Variants in ANKRD44 observed in about 807,000 individuals in gnomAD.
The protein encoded by ANKRD44 is serine/threonine-protein phosphatase 6 regulatory ankyrin repeat subunit B.
ANKRD44 carries 35 observed loss-of-function variants against 116.0 expected under a neutral mutation model. The ratio of observed to expected loss-of-function variants is 0.30; its 90% CI spans 0.23 to 0.40. ANKRD44 has a LOEUF of 0.40. ANKRD44 is among the 10% of genes least tolerant of loss of function. ANKRD44 has a pLI of 1.00. For missense variants in ANKRD44, 1,014 were observed against 1,242.6 expected (o/e 0.82, Z 2.77); for synonymous variants, 435 against 461.8 (o/e 0.94, Z 0.74).
chr2:197,090,439 C>T (rs59317182), intron 10 of ANKRD44, among the ~76,000 whole-genome samples: 19,090 of 151,704 alleles, frequency 0.13, 1,414 homozygotes, highest in Non-Finnish European at 0.17. Context: ...CAATACTGAG[C>T]AAGACAAACT....
intron 1 of ANKRD44, among the ~76,000 whole-genome samples, chr2:197,187,391 G>C (rs1296514910): frequency 6.6e-6 from 1 of 152,168 alleles, no homozygotes; most frequent in African/African-American, 2.4e-5. Context: ...CTGAAACTTT[G>C]ATAGGCCCTT....
chr2:197,192,276 C>A (rs2080842825), intron 1 of ANKRD44, among the ~76,000 whole-genome samples: 1 of 152,064 alleles, frequency 6.6e-6, no homozygotes, highest in Non-Finnish European at 1.5e-5. Context: ...GGTAATAAGC[C>A]CAAGCAGCAT....
At chr2:197,278,703 A>G (rs187366304) in intron 1 of ANKRD44, among the ~76,000 whole-genome samples, 17 of 152,324 alleles carry the variant, frequency 1.1e-4, no homozygotes, top group Admixed American at 9.8e-4. Context: ...ACAGGCCACA[A>G]GGTCTTATTG....
intron 1 of ANKRD44, among the ~76,000 whole-genome samples, chr2:197,221,644 T>C (rs913379907): frequency 6.6e-6 from 1 of 152,186 alleles, no homozygotes; most frequent in Non-Finnish European, 1.5e-5. Flanking sequence ...GAAAATTCCC[T>C]AAGAATATGA....
At chr2:197,242,019 T>C (rs1039715726) in intron 1 of ANKRD44, among the ~76,000 whole-genome samples, 3 of 152,180 alleles carry the variant, frequency 2.0e-5, no homozygotes, top group East Asian at 1.9e-4. Flanking sequence ...ATAGTCTATA[T>C]ATAAAAACTT....
At chr2:196,973,302 A>T (rs182952463) in intron 21 of ANKRD44, among the ~76,000 whole-genome samples, 1 of 151,954 alleles carries the variant, frequency 6.6e-6, no homozygotes, top group Non-Finnish European at 1.5e-5. Flanking sequence ...TGTTTTTCCT[A>T]TCACTTTATA....
chr2:197,086,009 C>T (rs187220039), intron 13 of ANKRD44, among the ~76,000 whole-genome samples: 97 of 151,910 alleles, frequency 6.4e-4, no homozygotes, highest in Middle Eastern at 3.4e-3. Flanking sequence ...GGCATGCCAT[C>T]GGTGCACAAG....
intron 14 of ANKRD44, among the ~76,000 whole-genome samples, chr2:197,082,230 T>C (rs2077813888): frequency 6.6e-6 from 1 of 152,216 alleles, no homozygotes; most frequent in Admixed American, 6.5e-5. Context: ...TCTATTCCAA[T>C]GAATTGCCTG....
chr2:197,083,640 T>A (rs2077849949), intron 13 of ANKRD44, 131 bp from the exon 14 acceptor site: 4 of 883,694 alleles, frequency 4.5e-6, no homozygotes, highest in Non-Finnish European at 4.9e-6. Context: ...GAGGCCAAAG[T>A]CATGCCTTCC....
chr2:197,037,706 C>T (rs1423010229), intron 16 of ANKRD44, among the ~76,000 whole-genome samples: 4 of 152,150 alleles, frequency 2.6e-5, no homozygotes, highest in African/African-American at 9.7e-5. Flanking sequence ...GAGAGGCCAA[C>T]GTGGGAGGAT....
intron 2 of ANKRD44, among the ~76,000 whole-genome samples, chr2:197,169,269 C>T (rs1360556370): frequency 6.6e-6 from 1 of 152,192 alleles, no homozygotes; most frequent in Non-Finnish European, 1.5e-5. Flanking sequence ...TTAAATGTCA[C>T]TGCCACCTCA....
chr2:197,140,956 C>G (rs1185147950), intron 3 of ANKRD44, among the ~76,000 whole-genome samples: 1 of 152,160 alleles, frequency 6.6e-6, no homozygotes, highest in Non-Finnish European at 1.5e-5. Flanking sequence ...TGGCTCATGC[C>G]TGTAATCCCA....
intron 13 of ANKRD44, among the ~76,000 whole-genome samples, chr2:197,086,371 T>A (rs1051050559): frequency 6.6e-6 from 1 of 152,206 alleles, no homozygotes; most frequent in African/African-American, 2.4e-5. Context: ...AGGATTTATG[T>A]GTTCCACTCT....
At chr2:197,061,820 G>A (rs1220844764) in intron 16 of ANKRD44, among the ~76,000 whole-genome samples, 1 of 137,548 alleles carries the variant, frequency 7.3e-6, no homozygotes, top group Non-Finnish European at 1.5e-5. Context: ...TCACTCTATT[G>A]TCCAGGCTGG....
At chr2:196,985,779 C>T (rs1431934114), downstream of ANKRD44, among the ~76,000 whole-genome samples, 1 of 152,172 alleles carries the variant, frequency 6.6e-6, no homozygotes, top group East Asian at 1.9e-4. Flanking sequence ...GCTGGAAACT[C>T]CATCATTAGG....
At chr2:196,989,703 A>C (rs1234981994) in intron 27 of ANKRD44, 54 bp from the exon 28 acceptor site, 1 of 1,546,192 alleles carries the variant, frequency 6.5e-7, no homozygotes, top group Non-Finnish European at 8.7e-7. Flanking sequence ...ATCATCAAGC[A>C]ACTGGCAATC....
intron 21 of ANKRD44, among the ~76,000 whole-genome samples, chr2:196,980,360 T>C (rs2075792183): frequency 1.3e-5 from 2 of 152,136 alleles, no homozygotes; most frequent in African/African-American, 4.8e-5. Context: ...AAGGAGTAAA[T>C]TTCAGGCCTG....
At chr2:197,299,581 A>G (rs2083833521) in intron 1 of ANKRD44, 1 of 152,222 alleles carries the variant, frequency 6.6e-6, no homozygotes, top group African/African-American at 2.4e-5. Flanking sequence ...TAACTCAGAA[A>G]TGGAAAAACA....
intron 9 of ANKRD44, among the ~76,000 whole-genome samples, chr2:197,106,444 C>CA (rs1003592408): frequency 1.3e-5 from 2 of 151,078 alleles, no homozygotes; most frequent in African/African-American, 2.4e-5. Flanking sequence ...GATTTCATCC[C>CA]AAAAAAAGAA....
Sources: allele counts gnomAD v4.1 joint callset (sites outside exome capture counted in the v4.1 genomes callset), GRCh38; gene constraint gnomAD v4.1.1; transcripts MANE v1.5; gene names NCBI Gene and HGNC (gene_info 2026-07-23, HGNC 2026-07-21).